GSN: variants seen among roughly 807,000 people sequenced by gnomAD.
GSN encodes actin-depolymerizing factor.
A neutral mutation model predicts 85.7 loss-of-function variants in GSN; 56 were observed. The observed-to-expected ratio is 0.65, with a 90% CI of 0.53 to 0.82. The LOEUF is 0.82. Ranked by LOEUF, GSN falls within the 40% of genes least tolerant of loss-of-function variation. GSN has a pLI of 0.00. For missense variants in GSN, 857 were observed against 979.8 expected (o/e 0.87, Z 1.67); for synonymous variants, 373 against 399.1 (o/e 0.93, Z 0.78).
In GSN at chr9:121,317,145, C is replaced by T. The variant is rs2133626457; in HGVS notation, c.813C>T (p.Ala271=). 6.2e-7 allele frequency: 1 copy of T among 1,614,174 alleles called. No homozygotes were observed. Among genetic ancestry groups the T allele is most frequent in the East Asian group, 2.2e-5 (1 of 44,878 alleles). ...VSLVADENPF[A]QGALKSEDCF... ...TCGTGGCTGATGAGAACCCCTTCGC[C>T]CAGGGGGCCCTGAAGTCAGAGGACT... The change falls in exon 8 of 18, where the codon GCC becomes GCT. Residue 271 remains alanine (A), a synonymous_variant. Transcript: ENST00000432226.
chr9:121,273,886 A>C (rs1211940107), intron 1 of GSN, among the ~76,000 whole-genome samples: 2 of 152,194 alleles, frequency 1.3e-5, no homozygotes, highest in East Asian at 3.8e-4. Context: ...GGATTTGCCC[A>C]AGATCACCCC....
intron 2 of GSN, chr9:121,286,793 G>C (rs1034073360): frequency 6.6e-7 from 1 of 1,517,558 alleles, no homozygotes; most frequent in Admixed American, 2.0e-5. Flanking sequence ...GTAGAAGTGA[G>C]AGTCAGACTT....
chr9:121,317,596 C>G, intron 8 of GSN: 2 of 302,010 alleles, frequency 6.6e-6, no homozygotes, highest in Non-Finnish European at 1.3e-5. Flanking sequence ...GGACTTTTAA[C>G]TTGTTCATTT....
At chr9:121,326,433 A>G in intron 12 of GSN, 79 bp from the exon 13 acceptor site, 1 of 1,155,212 alleles carries the variant, frequency 8.7e-7, no homozygotes, top group Non-Finnish European at 1.3e-6. Flanking sequence ...CTTCGTCTGG[A>G]GGGATGGGCC....
At chr9:121,228,261 G>A (rs1588437290) in intron 4 of GSN, among the ~76,000 whole-genome samples, 3 of 151,564 alleles carry the variant, frequency 2.0e-5, no homozygotes, top group Admixed American at 2.0e-4. Context: ...GAGCACATTT[G>A]TTGAATGAAT....
chr9:121,262,393 T>A (rs774832910), intron 6 of GSN, among the ~76,000 whole-genome samples: 1 of 152,178 alleles, frequency 6.6e-6, no homozygotes, highest in African/African-American at 2.4e-5. Context: ...ATACCTAACT[T>A]AGAGGGCAAT....
intron 6 of GSN, among the ~76,000 whole-genome samples, chr9:121,260,931 T>C (rs2055070251): frequency 6.6e-6 from 1 of 152,232 alleles, no homozygotes; most frequent in Non-Finnish European, 1.5e-5. Flanking sequence ...ACTGAAACTT[T>C]AATCCAATCA....
chr9:121,324,798 G>A (rs1381049098), intron 12 of GSN, among the ~76,000 whole-genome samples, 154 bp downstream of exon 12: 6 of 147,982 alleles, frequency 4.1e-5, no homozygotes, highest in East Asian at 4.2e-4. Flanking sequence ...TCCATCCATG[G>A]AACAGGTATT....
intron 5 of GSN, among the ~76,000 whole-genome samples, chr9:121,246,963 G>A (rs2054711560): frequency 6.6e-6 from 1 of 152,164 alleles, no homozygotes; most frequent in Non-Finnish European, 1.5e-5. Context: ...GTTCCTGTAG[G>A]CAGAAGAGCA....
chr9:121,215,684 ACT>A (rs1223786968), intron 4 of GSN, among the ~76,000 whole-genome samples: 1 of 150,010 alleles, frequency 6.7e-6, no homozygotes, highest in Admixed American at 6.7e-5. Flanking sequence ...ACAGAGTAAG[ACT>A]CTGTTTCAAA....
intron 5 of GSN, among the ~76,000 whole-genome samples, chr9:121,232,510 G>A (rs978043625): frequency 6.6e-6 from 1 of 152,184 alleles, no homozygotes; most frequent in African/African-American, 2.4e-5. Flanking sequence ...GAACGTATCA[G>A]TTAAGGGGCA....
At chr9:121,235,929 T>A (rs1012137922) in intron 5 of GSN, among the ~76,000 whole-genome samples, 34 of 152,234 alleles carry the variant, frequency 2.2e-4, no homozygotes, top group African/African-American at 8.2e-4. Context: ...TAGCTCTTAT[T>A]TCCTTGAGGG....
intron 2 of GSN, chr9:121,281,837 TG>T (rs1385466572): frequency 8.5e-6 from 4 of 471,120 alleles, no homozygotes; most frequent in Non-Finnish European, 1.8e-5. Context: ...GCTGGTTGCT[TG>T]CTATGTGACT....
Position 121,321,295 on chromosome 9 carries a change from G to T in GSN, c.1219G>T (p.Val407Leu). Reference protein sequence around the residue: ...QIWRIEGSNKVPVDPATYGQF... With the variant: ...QIWRIEGSNKLPVDPATYGQF... ...CTGGAGAATCGAAGGTTCCAACAAG[G>T]TGCCCGTGGACCCTGCCACATATGG... Residue 407 changes from valine (V) to leucine (L), a missense_variant, in exon 11 of 18, where the codon GTG becomes TTG. Transcript: ENST00000432226. 1.9e-6 allele frequency: 3 copies of T among 1,614,016 alleles called. No individual in the cohort carries two copies. The highest frequency in any genetic ancestry group is 2.5e-6 in the Non-Finnish European group (3 of 1,179,890).
intron 1 of GSN, among the ~76,000 whole-genome samples, chr9:121,279,490 G>T (rs995076099): frequency 6.6e-6 from 1 of 152,018 alleles, no homozygotes; most frequent in Non-Finnish European, 1.5e-5. Flanking sequence ...GAGAAGGGGG[G>T]ACACTCTGGA....
chr9:121,269,774 C>CAGAATAGG, intron 1 of GSN, among the ~76,000 whole-genome samples: 3 of 152,314 alleles, frequency 2.0e-5, no homozygotes, highest in Middle Eastern at 6.8e-3. Context: ...CAGAATTTTC[C>CAGAATAGG]ACAGTCCTTT....
intron 5 of GSN, chr9:121,238,891 T>G: frequency 1.9e-6 from 1 of 535,832 alleles, no homozygotes; most frequent in Admixed American, 1.9e-5. Context: ...CTACAGCTGG[T>G]TACATACATC....
intron 6 of GSN, among the ~76,000 whole-genome samples, chr9:121,255,241 C>A (rs1218886307): frequency 6.6e-6 from 1 of 152,154 alleles, no homozygotes; most frequent in African/African-American, 2.4e-5. Flanking sequence ...AACCACCGCA[C>A]CCGGCCATTT....
intron 17 of GSN, 181 bp downstream of exon 17, chr9:121,331,629 A>C (rs1025743198): frequency 1.4e-5 from 8 of 583,168 alleles, no homozygotes; most frequent in Non-Finnish European, 2.2e-5. Flanking sequence ...AGTGAAGAAC[A>C]CATCAGTTCC....
Sources: gnomAD v4.1 joint callset for allele counts (sites outside exome capture counted in the v4.1 genomes callset) on GRCh38, gnomAD v4.1.1 for gene constraint, MANE v1.5 for transcripts, NCBI Gene and HGNC (gene_info 2026-07-23, HGNC 2026-07-21) for gene names.